The following MTMR6 variants were observed in gnomAD, a reference collection of about 807,000 sequenced individuals.
MTMR6 encodes myotubularin related protein 6.
Under a neutral mutation model 80.1 loss-of-function variants are expected in MTMR6, and 47 were observed. That is an observed-to-expected ratio of 0.59 (90% CI 0.46 to 0.75). The LOEUF is 0.75. MTMR6 is among the 30% of genes least tolerant of loss of function. The pLI is 0.00. For synonymous variants in MTMR6, 254 were observed against 253.0 expected (o/e 1.00, Z -0.04); for missense variants, 629 against 730.9 (o/e 0.86, Z 1.61).
At position 25,247,814 on chromosome 13, in the gene MTMR6, A is replaced by T. The variant is rs1301812979; in HGVS notation, c.*1418T>A. 6.6e-6 allele frequency: 1 copy of T among 152,190 alleles called. No individual in the cohort carries two copies. The highest frequency in any genetic ancestry group is 1.5e-5 in the Non-Finnish European group (1 of 67,994). The allele number at this position is 152,190 out of a possible 1,614,324, so 9.4% of individuals were successfully genotyped here. ...GATGTTTATATTCAAAACTAATATA[A>T]TAGAGGTGTAACAGAAAGTAGCATG... On this transcript the variant is annotated 3_prime_UTR_variant, in exon 14 of 14. Transcript: ENST00000381801.
chr13:25,253,689 A>C, intron 11 of MTMR6, 75 bp downstream of exon 11: 1 of 1,240,934 alleles, frequency 8.1e-7, no homozygotes, highest in Non-Finnish European at 1.1e-6. Flanking sequence ...TATTTTATTA[A>C]GTTTCAAACA....
chr13:25,253,982 A>G lies in MTMR6; in HGVS notation c.1146-18T>C, dbSNP rs376009739. On this transcript the variant is annotated intron_variant, in intron 10 of 13. Transcript: ENST00000381801. ...GGCCACACCTAACCCCACAGAAAGT[A>G]TAAGCTTTTAAAAACACCTCTGAAA... 2.5e-6 allele frequency: 4 copies of G among 1,612,596 alleles called. No homozygotes were observed. Among genetic ancestry groups the G allele is most frequent in the Admixed American group, 1.7e-5 (1 of 59,938 alleles).
chr13:25,267,824 CTCTT>C lies in MTMR6; in HGVS notation c.255_258del (p.Arg86IlefsTer82), dbSNP rs747139963. 6.2e-7 allele frequency: 1 copy of C among 1,613,870 alleles called. No individual in the cohort carries two copies. The highest frequency in any genetic ancestry group is 1.3e-5 in the African/African-American group (1 of 75,034). Reference sequence around the variant, plus strand: ...AAAGAGTTGTAAATATCATGGCAATCTCTTTCTCTGGGAACAATGAAATGCACAG... The same window carrying C: ...AAAGAGTTGTAAATATCATGGCAATCTCTCTGGGAACAATGAAATGCACAG... On this transcript the variant is annotated frameshift_variant, in exon 3 of 14. Coordinates refer to ENST00000381801, the MANE Select transcript of MTMR6 (RefSeq NM_004685.5). LOFTEE classifies it high-confidence loss of function.
chr13:25,261,400 A>T (rs1320344933), intron 6 of MTMR6, among the ~76,000 whole-genome samples: 2 of 151,020 alleles, frequency 1.3e-5, no homozygotes, highest in East Asian at 1.9e-4. Flanking sequence ...TAAGACTTAT[A>T]TACTAGCAAG....
chr13:25,285,944 A>C (rs1181804504), intron 1 of MTMR6, among the ~76,000 whole-genome samples: 3 of 152,180 alleles, frequency 2.0e-5, no homozygotes, highest in Non-Finnish European at 4.4e-5. Flanking sequence ...TACATAATAC[A>C]TATCTGGAAC....
intron 6 of MTMR6, 147 bp downstream of exon 6, chr13:25,261,521 A>G: frequency 1.5e-6 from 1 of 652,460 alleles, no homozygotes; most frequent in South Asian, 4.6e-5. Context: ...CTTTAAATAA[A>G]GGATTGATTT....
chr13:25,279,651 G>T (rs1402714190), intron 1 of MTMR6, among the ~76,000 whole-genome samples: 1 of 152,194 alleles, frequency 6.6e-6, no homozygotes, highest in Non-Finnish European at 1.5e-5. Context: ...GAGAAAGGAA[G>T]AAGGATGCGT....
At chr13:25,260,819 A>G in intron 6 of MTMR6, 1 of 347,150 alleles carries the variant, frequency 2.9e-6, no homozygotes, top group South Asian at 5.2e-5. Flanking sequence ...AATTTGTCCC[A>G]ATGATAAAAA....
chr13:25,284,985 A>G (rs545555466), intron 1 of MTMR6, among the ~76,000 whole-genome samples: 6 of 152,348 alleles, frequency 3.9e-5, no homozygotes, highest in African/African-American at 1.4e-4. Context: ...ACCCAAAGTA[A>G]TAAAGGAGCA....
intron 11 of MTMR6, among the ~76,000 whole-genome samples, chr13:25,252,530 G>C (rs1018229817): frequency 6.6e-5 from 10 of 152,306 alleles, no homozygotes; most frequent in African/African-American, 2.4e-4. Context: ...TTTTAGACTG[G>C]ACATTTACCA....
rs7999040 is a variant in MTMR6, at chr13:25,249,069, T to G, written c.*163A>C. ...TTGCTGGAAATGCAATTAAAATGAC[T>G]TATTTCTCTCACAAGGGTAGTTATT... On this transcript the variant is annotated 3_prime_UTR_variant, in exon 14 of 14. Transcript: ENST00000381801. The G allele has an allele frequency of 3.0e-6, 2 of 662,614 alleles. No individual in the cohort carries two copies. Among genetic ancestry groups the G allele is most frequent in the Non-Finnish European group, 4.9e-6 (2 of 406,054 alleles). 41.0% of individuals were successfully genotyped at this position (662,614 alleles called of 1,614,324 possible).
At chr13:25,276,892 T>C (rs1957738731) in intron 1 of MTMR6, among the ~76,000 whole-genome samples, 1 of 152,232 alleles carries the variant, frequency 6.6e-6, no homozygotes, top group Admixed American at 6.5e-5. Context: ...TAGTATGTAC[T>C]AGTACTGTCC....
intron 1 of MTMR6, among the ~76,000 whole-genome samples, chr13:25,286,355 G>A (rs1170507667): frequency 6.6e-6 from 1 of 152,214 alleles, no homozygotes. Flanking sequence ...AAAACGTCAA[G>A]AGGCTGCCTT....
At chr13:25,275,105 A>C (rs1408004999) in intron 1 of MTMR6, among the ~76,000 whole-genome samples, 1 of 152,056 alleles carries the variant, frequency 6.6e-6, no homozygotes, top group Non-Finnish European at 1.5e-5. Flanking sequence ...TTACGAAAAA[A>C]AGTGAAATAA....
chr13:25,257,943 C>A, intron 7 of MTMR6, 98 bp from the exon 8 acceptor site: 2 of 717,914 alleles, frequency 2.8e-6, no homozygotes, highest in Non-Finnish European at 4.4e-6. Context: ...AGAAAGAAGA[C>A]AAAATAAACA....
chr13:25,253,431 A>G (rs999126022), intron 11 of MTMR6, among the ~76,000 whole-genome samples: 1 of 152,222 alleles, frequency 6.6e-6, no homozygotes, highest in African/African-American at 2.4e-5. Flanking sequence ...AAGCATGAGG[A>G]GACTTTCCAG....
At chr13:25,255,254 C>T (rs1014985176) in intron 9 of MTMR6, among the ~76,000 whole-genome samples, 1 of 152,260 alleles carries the variant, frequency 6.6e-6, no homozygotes, top group Admixed American at 6.5e-5. Context: ...AGCTCAGGCA[C>T]AGGCTCCAAT....
In MTMR6 at chr13:25,247,688, GAAT is replaced by G. The variant is rs1957007034; in HGVS notation, c.*1541_*1543del. On this transcript the variant is annotated 3_prime_UTR_variant, in exon 14 of 14. Transcript: ENST00000381801. Reference sequence around the variant, plus strand: ...TGCATTTCTGTTGCTGTTTAAAAAGGAATATTTTTTAAATTACATAATGTATTA... The same window carrying G: ...TGCATTTCTGTTGCTGTTTAAAAAGGATTTTTTAAATTACATAATGTATTA... 6.6e-6 allele frequency: 1 copy of G among 152,044 alleles called. No homozygotes were observed. The highest frequency in any genetic ancestry group is 1.5e-5 in the Non-Finnish European group (1 of 67,962). The allele number at this position is 152,044 out of a possible 1,614,324, so 9.4% of individuals were successfully genotyped here.
At chr13:25,267,246 C>CA (rs771144201) in intron 3 of MTMR6, among the ~76,000 whole-genome samples, 13,427 of 66,486 alleles carry the variant, frequency 0.2, 1,100 homozygotes, top group East Asian at 0.33. Context: ...GATTCCATCT[C>CA]AAAAAAAAAA....
Sources: gnomAD v4.1 joint callset for allele counts (sites outside exome capture counted in the v4.1 genomes callset) on GRCh38, gnomAD v4.1.1 for gene constraint, MANE v1.5 for transcripts, NCBI Gene and HGNC (gene_info 2026-07-23, HGNC 2026-07-21) for gene names.